CNTN5: variants seen among roughly 807,000 people sequenced by gnomAD.
The protein encoded by CNTN5 is contactin 5, also known as contactin-5.
In CNTN5, 77 loss-of-function variants were observed where a neutral mutation model predicts 129.1. The observed-to-expected ratio is 0.60, with a 90% CI of 0.50 to 0.72. The LOEUF is 0.72. Among genes scored for constraint, CNTN5 ranks in the 30% least tolerant of loss-of-function variants. The pLI is 0.00. For missense variants in CNTN5, 1,478 were observed against 1,328.8 expected (o/e 1.11, Z -1.75); for synonymous variants, 509 against 465.6 (o/e 1.09, Z -1.20).
At chr11:99,922,192 G>A (rs1949955900) in intron 7 of CNTN5, among the ~76,000 whole-genome samples, 1 of 152,192 alleles carries the variant, frequency 6.6e-6, no homozygotes. Context: ...AGGCAAGAGA[G>A]CATGTGCAAG....
At chr11:99,077,839 T>C (rs1253301446) in intron 1 of CNTN5, among the ~76,000 whole-genome samples, 1 of 152,128 alleles carries the variant, frequency 6.6e-6, no homozygotes, top group Non-Finnish European at 1.5e-5. Flanking sequence ...TTGCCTCCCC[T>C]TTCCCTTCCC....
At chr11:99,562,943 C>T (rs78044390) in intron 3 of CNTN5, among the ~76,000 whole-genome samples, 1 of 152,098 alleles carries the variant, frequency 6.6e-6, no homozygotes, top group South Asian at 2.1e-4. Context: ...ATCTGTGATT[C>T]ATTCTTGCAT....
intron 13 of CNTN5, among the ~76,000 whole-genome samples, chr11:100,145,249 T>C (rs1385583746): frequency 6.6e-6 from 1 of 152,032 alleles, no homozygotes; most frequent in Non-Finnish European, 1.5e-5. Context: ...ACCAAACGAG[T>C]ATTAGCTACT....
intron 3 of CNTN5, among the ~76,000 whole-genome samples, chr11:99,616,339 T>C (rs1226757348): frequency 6.6e-6 from 1 of 152,202 alleles, no homozygotes; most frequent in African/African-American, 2.4e-5. Context: ...GCACCCTGGC[T>C]TTACACTTCC....
chr11:100,238,548 A>AGGG (rs1449446042), intron 16 of CNTN5, among the ~76,000 whole-genome samples: 1 of 147,692 alleles, frequency 6.8e-6, no homozygotes, highest in African/African-American at 2.5e-5. Flanking sequence ...GAGGAGGAGG[A>AGGG]GGGGGAAGAA....
chr11:99,849,120 A>T (rs1947793325), intron 6 of CNTN5, among the ~76,000 whole-genome samples: 1 of 151,946 alleles, frequency 6.6e-6, no homozygotes, highest in African/African-American at 2.4e-5. Context: ...ATAGGTATAT[A>T]CTTAATTGAA....
chr11:99,022,800 G>T (rs574813039), intron 1 of CNTN5, among the ~76,000 whole-genome samples: 2 of 152,254 alleles, frequency 1.3e-5, no homozygotes, highest in African/African-American at 4.8e-5. Context: ...AAAATAGAAA[G>T]TCAGTGAAAT....
At chr11:99,488,821 A>G (rs529111635) in intron 2 of CNTN5, among the ~76,000 whole-genome samples, 1 of 152,308 alleles carries the variant, frequency 6.6e-6, no homozygotes, top group East Asian at 1.9e-4. Flanking sequence ...AGGATTAGTC[A>G]TGTAATTAAC....
In CNTN5 at chr11:99,722,778, A is replaced by G. The variant is rs529694319; in HGVS notation, c.56-96766A>G. Among the ~76,000 whole-genome samples, 4 of 152,008 alleles carry G rather than the reference A, an allele frequency of 2.6e-5. No individual in the cohort carries two copies. The East Asian group carries it at 7.8e-4, about 30-fold the overall frequency. On this transcript the variant is annotated intron_variant, in intron 3 of 24. Transcript: ENST00000524871. Reference sequence around the variant, plus strand: ...AGACCCTGTCTTTTACTGAGCCCACAACTCTCCCCATATGGGGAGATATAG... The same window carrying G: ...AGACCCTGTCTTTTACTGAGCCCACGACTCTCCCCATATGGGGAGATATAG...
intron 7 of CNTN5, among the ~76,000 whole-genome samples, chr11:99,944,081 C>A (rs916930866): frequency 2.6e-5 from 4 of 151,026 alleles, no homozygotes; most frequent in Non-Finnish European, 4.4e-5. Flanking sequence ...TGAAGAAAGT[C>A]AATGATAGCT....
At chr11:99,797,835 G>A (rs980613007) in intron 3 of CNTN5, among the ~76,000 whole-genome samples, 3 of 151,954 alleles carry the variant, frequency 2.0e-5, no homozygotes, top group South Asian at 2.1e-4. Context: ...AAGTTAAAAC[G>A]AATGACTTTT....
intron 6 of CNTN5, among the ~76,000 whole-genome samples, chr11:99,860,188 G>A (rs1032059958): frequency 6.6e-5 from 10 of 151,902 alleles, no homozygotes; most frequent in African/African-American, 1.7e-4. Context: ...TTTTTAATGG[G>A]GTTATAGATT....
intron 3 of CNTN5, among the ~76,000 whole-genome samples, chr11:99,617,454 G>A (rs936205974): frequency 3.3e-5 from 5 of 152,172 alleles, no homozygotes; most frequent in Admixed American, 1.3e-4. Context: ...TTATCTTCCC[G>A]AAGGCTCTGA....
intron 13 of CNTN5, among the ~76,000 whole-genome samples, chr11:100,186,714 T>A (rs574678701): frequency 6.6e-6 from 1 of 152,214 alleles, no homozygotes; most frequent in African/African-American, 2.4e-5. Context: ...CTCCCTTCAC[T>A]CCCTTTCTTC....
chr11:100,320,009 C>T (rs1951655490), intron 21 of CNTN5, among the ~76,000 whole-genome samples: 1 of 152,152 alleles, frequency 6.6e-6, no homozygotes, highest in African/African-American at 2.4e-5. Flanking sequence ...AATAGTGTTG[C>T]AATGAACATG....
At chr11:100,081,793 T>C (rs1407692015) in intron 13 of CNTN5, among the ~76,000 whole-genome samples, 2 of 152,138 alleles carry the variant, frequency 1.3e-5, no homozygotes, top group African/African-American at 4.8e-5. Flanking sequence ...AAAATGGAAA[T>C]TGACAAACAT....
Position 99,620,512 on chromosome 11 carries a change from T to TC in CNTN5, c.55+64243_55+64244insC, listed in dbSNP as rs1390286259. ...TTAAAACTCTTTTTTTCTTTTCTTT[T>TC]TTTTTTTTTTCTTTTTGCTCTTTAA... On this transcript the variant is annotated intron_variant, in intron 3 of 24. Transcript: ENST00000524871. 0.015 allele frequency among the ~76,000 whole-genome samples: 1,413 copies of TC among 95,988 alleles called. 30 individuals carry two copies. The East Asian group carries it at 0.19, about 13-fold the overall frequency. 63.0% of individuals were successfully genotyped at this position (95,988 alleles called of 152,430 possible).
intron 2 of CNTN5, among the ~76,000 whole-genome samples, chr11:99,403,997 T>C (rs1941954087): frequency 6.6e-6 from 1 of 152,152 alleles, no homozygotes; most frequent in Non-Finnish European, 1.5e-5. Flanking sequence ...ATCTCTGTAT[T>C]TAGCTCTAAA....
At chr11:100,012,114 T>A (rs1317069162) in intron 9 of CNTN5, among the ~76,000 whole-genome samples, 2 of 152,162 alleles carry the variant, frequency 1.3e-5, no homozygotes, top group African/African-American at 4.8e-5. Flanking sequence ...AGTCAGTCTC[T>A]GGGTGTTGGA....
Sources: allele counts gnomAD v4.1 joint callset (sites outside exome capture counted in the v4.1 genomes callset), GRCh38; gene constraint gnomAD v4.1.1; transcripts MANE v1.5; gene names NCBI Gene and HGNC (gene_info 2026-07-23, HGNC 2026-07-21).